The following ACTR3 variants were observed in gnomAD, a reference collection of about 807,000 sequenced individuals.
The protein encoded by ACTR3 is actin related protein 3.
Under a neutral mutation model 56.8 loss-of-function variants are expected in ACTR3, and 12 were observed. The ratio of observed to expected loss-of-function variants is 0.21; its 90% confidence interval spans 0.14 to 0.34. The LOEUF (loss-of-function observed/expected upper bound fraction) is 0.34, where lower values mean the gene tolerates loss of function less well. Ranked by LOEUF, ACTR3 falls within the 10% of genes least tolerant of loss-of-function variation. ACTR3 has a pLI of 1.00. For missense variants in ACTR3, 282 were observed against 512.5 expected, an observed-to-expected ratio of 0.55 and a Z score of 4.34; for synonymous variants, 162 against 167.4, an observed-to-expected ratio of 0.97 and a Z score of 0.25.
chr2:113,902,913 T>C (rs1028620746), intron 1 of ACTR3, among the ~76,000 whole-genome samples: 1 of 152,236 alleles, frequency 6.6e-6, no homozygotes, highest in African/African-American at 2.4e-5. Context: ...CATGGTGTTT[T>C]GATATAAGTA....
chr2:113,949,427 AT>A (rs1680082071), intron 8 of ACTR3, among the ~76,000 whole-genome samples: 1 of 151,860 alleles, frequency 6.6e-6, no homozygotes, highest in Non-Finnish European at 1.5e-5. Context: ...CACATGCCTA[AT>A]AATTATCAAT....
chr2:113,892,921 G>T (rs1240646843), intron 1 of ACTR3, among the ~76,000 whole-genome samples: 1 of 152,034 alleles, frequency 6.6e-6, no homozygotes, highest in Middle Eastern at 3.2e-3. Context: ...AAACTTTTAG[G>T]GATCGTCCAG....
At chr2:113,894,295 G>A (rs6730338) in intron 1 of ACTR3, among the ~76,000 whole-genome samples, 11,176 of 152,150 alleles carry the variant, frequency 0.073, 460 homozygotes, top group African/African-American at 0.1. Flanking sequence ...GTTTCACCAT[G>A]TTGGCCAGGC....
chr2:113,919,153 T>C (rs10207551), intron 3 of ACTR3, among the ~76,000 whole-genome samples: 26,646 of 152,180 alleles, frequency 0.18, 4,172 homozygotes, highest in African/African-American at 0.4. Context: ...AATACTTAAC[T>C]CTTAAATATG....
chr2:113,900,224 C>T (rs750741123), intron 1 of ACTR3, among the ~76,000 whole-genome samples: 14 of 151,944 alleles, frequency 9.2e-5, no homozygotes, highest in Non-Finnish European at 1.6e-4. Context: ...TATTGGAATC[C>T]AATCAATTTT....
chr2:113,940,730 CA>C (rs1260784729), intron 7 of ACTR3, among the ~76,000 whole-genome samples: 1 of 149,118 alleles, frequency 6.7e-6, no homozygotes, highest in African/African-American at 2.5e-5. Context: ...ACTGCCATGG[CA>C]AAAGTAACTT....
At chr2:113,954,835 T>A (rs1680182941) in intron 10 of ACTR3, 1 of 152,146 alleles carries the variant, frequency 6.6e-6, no homozygotes, top group South Asian at 2.1e-4. Flanking sequence ...TTTGTGCTCA[T>A]TGCTGTTGGG....
rs573640073 is a variant in ACTR3, at chr2:113,914,389, G to A, written c.100+1162G>A. 2.6e-5 allele frequency among the ~76,000 whole-genome samples: 4 copies of A among 152,266 alleles called. No individual in the cohort carries two copies. In the South Asian group the frequency reaches 8.3e-4, roughly 32 times the overall value. On this transcript the variant is annotated intron_variant, in intron 2 of 11. Coordinates refer to ENST00000263238, the MANE Select transcript of ACTR3 (RefSeq NM_005721.5). Reference sequence around the variant, plus strand: ...GCACTTTGGGAGGCCGAGGCGGGCAGATCACGAGGTCAGGAGTTCGAGACC... The same window carrying A: ...GCACTTTGGGAGGCCGAGGCGGGCAAATCACGAGGTCAGGAGTTCGAGACC...
chr2:113,939,236 A>T (rs1314130774), intron 6 of ACTR3, among the ~76,000 whole-genome samples: 1 of 151,742 alleles, frequency 6.6e-6, no homozygotes, highest in Non-Finnish European at 1.5e-5. Flanking sequence ...GTTAGCCAGG[A>T]TGGTCTCGAT....
rs1290256361 is a variant in ACTR3 at position 113,929,837 on chromosome 2, C to G, written c.337-1464C>G. On this transcript the variant is annotated intron_variant, in intron 4 of 11. Coordinates refer to ENST00000263238, the MANE Select transcript of ACTR3 (RefSeq NM_005721.5). ...GGGATTACAGGCATGCACCACCACACCTGGCTAACTTTTGTAATTTTAGTA... is the reference window on the plus strand; with the variant it reads ...GGGATTACAGGCATGCACCACCACAGCTGGCTAACTTTTGTAATTTTAGTA... 1.3e-5 allele frequency among the ~76,000 whole-genome samples: 2 copies of G among 152,022 alleles called. 1 individual carries two copies. Among genetic ancestry groups the G allele is most frequent in the South Asian group, 4.1e-4 (2 of 4,820 alleles).
In ACTR3 at chr2:113,930,330, A is replaced by G. The variant is rs12373631; in HGVS notation, c.337-971A>G. On this transcript the variant is annotated intron_variant, in intron 4 of 11. Transcript: ENST00000263238. Reference sequence around the variant, plus strand: ...AAGGTTTTATGTAAGGTAACAGTATACTTAGTTGTTTTGCTTTATATTTCT... The same window carrying G: ...AAGGTTTTATGTAAGGTAACAGTATGCTTAGTTGTTTTGCTTTATATTTCT... 9.6e-3 allele frequency among the ~76,000 whole-genome samples: 1,459 copies of G among 152,176 alleles called. 15 individuals are homozygous for G. Among genetic ancestry groups the G allele is most frequent in the Non-Finnish European group, 0.015 (1,032 of 68,010 alleles).
At chr2:113,926,967 A>G (rs1679632705) in intron 3 of ACTR3, among the ~76,000 whole-genome samples, 1 of 152,248 alleles carries the variant, frequency 6.6e-6, no homozygotes. Context: ...TAATGGCCTA[A>G]TGCATTAAAA....
chr2:113,914,423 C>G (rs1679365348), intron 2 of ACTR3, among the ~76,000 whole-genome samples: 1 of 151,842 alleles, frequency 6.6e-6, no homozygotes, highest in Non-Finnish European at 1.5e-5. Flanking sequence ...CCAGCCTGAC[C>G]AACATGATGA....
At chr2:113,942,518 A>G (rs1263495276) in intron 8 of ACTR3, among the ~76,000 whole-genome samples, 159 bp downstream of exon 8, 1 of 152,112 alleles carries the variant, frequency 6.6e-6, no homozygotes, top group African/African-American at 2.4e-5. Flanking sequence ...TTAAAGAAAA[A>G]ATTTGCTTTT....
chr2:113,927,263 A>G, intron 3 of ACTR3, 82 bp from the exon 4 acceptor site: 6 of 872,180 alleles, frequency 6.9e-6, no homozygotes, highest in Non-Finnish European at 1.0e-5. Flanking sequence ...TCCACTAATG[A>G]TCTGATATTT....
Position 113,958,173 on chromosome 2 carries a change from T to C in ACTR3, c.*718T>C, listed in dbSNP as rs562211388. 2 of 152,702 alleles carry C rather than the reference T, an allele frequency of 1.3e-5. No homozygotes were observed. The highest frequency in any genetic ancestry group is 2.1e-4 in the South Asian group (1 of 4,820). The allele number at this position is 152,702 out of a possible 1,614,324, so 9.5% of individuals were successfully genotyped here. A position where few individuals can be genotyped will look rare whatever the true frequency, so the allele number is the denominator to read the frequency against. ...TGCAGTTCTGTAGTGTCATTTCTTATAAAAAACAAAACAACAACAATAATT... is the reference window on the plus strand; with the variant it reads ...TGCAGTTCTGTAGTGTCATTTCTTACAAAAAACAAAACAACAACAATAATT... On this transcript the variant is annotated 3_prime_UTR_variant, in exon 12 of 12. Transcript: ENST00000263238.
chr2:113,922,162 T>C (rs1162181233), intron 3 of ACTR3, among the ~76,000 whole-genome samples: 2 of 152,176 alleles, frequency 1.3e-5, no homozygotes, highest in African/African-American at 2.4e-5. Flanking sequence ...GTAAGAGTAC[T>C]GTTCATTGAG....
chr2:113,889,975 G>A (rs2104573409), upstream of ACTR3: 3 of 533,476 alleles, frequency 5.6e-6, no homozygotes, highest in East Asian at 6.9e-5. Flanking sequence ...GGCTTCCCGG[G>A]GAAAGGCGGC....
chr2:113,954,897 G>GTT (rs1198251727), intron 10 of ACTR3: 1 of 151,926 alleles, frequency 6.6e-6, no homozygotes, highest in Non-Finnish European at 1.5e-5. Flanking sequence ...GTGTGTGTGT[G>GTT]TTTATACATC....
Sources: gnomAD v4.1 joint callset for allele counts (sites outside exome capture counted in the v4.1 genomes callset) on GRCh38, gnomAD v4.1.1 for gene constraint, MANE v1.5 for transcripts, NCBI Gene and HGNC (gene_info 2026-07-23, HGNC 2026-07-21) for gene names.